The following MAD1L1 variants were observed in gnomAD, a reference collection of about 807,000 sequenced individuals.
MAD1L1 encodes the protein mitotic arrest deficient 1 like 1, also known as mitotic spindle assembly checkpoint protein MAD1.
Under a neutral mutation model 96.9 loss-of-function variants are expected in MAD1L1, and 95 were observed. That is an observed-to-expected ratio of 0.98 (90% CI 0.83 to 1.16). The LOEUF (loss-of-function observed/expected upper bound fraction) is 1.16. Ranked by LOEUF, MAD1L1 falls within the 50% of genes most tolerant of loss-of-function variation. The pLI is 0.00. For missense variants in MAD1L1, 1,007 were observed against 954.4 expected, an observed-to-expected ratio of 1.06 and a Z score of -0.73; for synonymous variants, 473 against 396.6, an observed-to-expected ratio of 1.19 and a Z score of -2.29.
intron 11 of MAD1L1, among the ~76,000 whole-genome samples, chr7:2,125,836 C>T (rs756249853): frequency 2.0e-5 from 3 of 152,262 alleles, no homozygotes; most frequent in Admixed American, 1.3e-4. Flanking sequence ...ACATTTGTCC[C>T]GCTTTAAAAT....
chr7:2,220,173 A>AG (rs1432796287), intron 5 of MAD1L1, among the ~76,000 whole-genome samples: 1 of 152,242 alleles, frequency 6.6e-6, no homozygotes, highest in Non-Finnish European at 1.5e-5. Context: ...TGCAAGGGGC[A>AG]GGGCGGTACC....
intron 18 of MAD1L1, among the ~76,000 whole-genome samples, chr7:1,852,396 C>T (rs1784024321): frequency 6.6e-6 from 1 of 152,292 alleles, no homozygotes; most frequent in South Asian, 2.1e-4. Context: ...CCAGGAGCTA[C>T]CACTGCCCCT....
intron 15 of MAD1L1, among the ~76,000 whole-genome samples, chr7:1,973,444 A>G (rs1780491656): frequency 6.6e-6 from 1 of 152,112 alleles, no homozygotes; most frequent in African/African-American, 2.4e-5. Context: ...CTGGGCCCCT[A>G]GAGTGGGGAT....
intron 13 of MAD1L1, among the ~76,000 whole-genome samples, chr7:2,004,970 A>C (rs1314420568): frequency 3.9e-5 from 6 of 152,316 alleles, no homozygotes; most frequent in Admixed American, 3.9e-4. Flanking sequence ...GGTGACTCGG[A>C]GCCAAGGAGC....
At chr7:2,038,018 TC>T (rs1211655435) in intron 12 of MAD1L1, among the ~76,000 whole-genome samples, 1 of 152,144 alleles carries the variant, frequency 6.6e-6, no homozygotes, top group Non-Finnish European at 1.5e-5. Context: ...AAGGGAAAGT[TC>T]TTGGAGGAAA....
At chr7:2,169,052 G>A (rs768472759) in intron 10 of MAD1L1, among the ~76,000 whole-genome samples, 16 of 152,210 alleles carry the variant, frequency 1.1e-4, no homozygotes, top group African/African-American at 2.7e-4. Flanking sequence ...TTGTCCTGGC[G>A]CTGTTCAGAA....
At chr7:2,039,149 T>TTCGCTCCGCTAAACTCCCTGGAGATC (rs1783569962) in intron 12 of MAD1L1, among the ~76,000 whole-genome samples, 1 of 152,238 alleles carries the variant, frequency 6.6e-6, no homozygotes, top group Admixed American at 6.5e-5. Context: ...GACTGGGCTC[T>TTCGCTCCGCTAAACTCCCTGGAGATC]TCGCTCCGCT....
At chr7:1,922,427 A>G (rs1788850813) in intron 17 of MAD1L1, among the ~76,000 whole-genome samples, 1 of 152,226 alleles carries the variant, frequency 6.6e-6, no homozygotes, top group South Asian at 2.1e-4. Flanking sequence ...GTGCACTGCT[A>G]TTGTGTAATA....
intron 10 of MAD1L1, among the ~76,000 whole-genome samples, chr7:2,199,157 G>T (rs1223987112): frequency 6.6e-6 from 1 of 152,222 alleles, no homozygotes; most frequent in Non-Finnish European, 1.5e-5. Context: ...CTGCCAAAAT[G>T]GCATTTGCAA....
chr7:2,028,285 C>T (rs1182184703), intron 12 of MAD1L1, among the ~76,000 whole-genome samples: 21 of 151,770 alleles, frequency 1.4e-4, no homozygotes, highest in Non-Finnish European at 2.5e-4. Context: ...ATTAGCCGGG[C>T]GTGGTGGTGG....
intron 15 of MAD1L1, among the ~76,000 whole-genome samples, chr7:1,958,395 T>C (rs778935714): frequency 2.0e-5 from 3 of 152,170 alleles, no homozygotes; most frequent in Non-Finnish European, 4.4e-5. Flanking sequence ...AACATATTCA[T>C]GTGGTTTAAA....
chr7:1,862,042 G>C (rs1784558513), intron 18 of MAD1L1, among the ~76,000 whole-genome samples: 1 of 152,186 alleles, frequency 6.6e-6, no homozygotes, highest in Non-Finnish European at 1.5e-5. Context: ...GTCTCTTGAA[G>C]GCCTCCTAGA....
chr7:1,874,531 C>G (rs1480831108), intron 18 of MAD1L1: 1 of 455,414 alleles, frequency 2.2e-6, no homozygotes, highest in African/African-American at 2.0e-5. Flanking sequence ...CAGCTTGTGG[C>G]TGAGTGCGGC....
At chr7:1,981,862 T>C (rs114957525) in intron 14 of MAD1L1, among the ~76,000 whole-genome samples, 1,679 of 152,292 alleles carry the variant, frequency 0.011, 29 homozygotes, top group African/African-American at 0.039. Context: ...AATCACCATA[T>C]GTTACATGTA....
chr7:1,921,020 G>A (rs1158003954), intron 17 of MAD1L1, among the ~76,000 whole-genome samples: 1 of 152,200 alleles, frequency 6.6e-6, no homozygotes. Flanking sequence ...GGGTGGGGAG[G>A]TGGGAAGAGG....
At chr7:2,196,696 C>T (rs1298827245) in intron 10 of MAD1L1, among the ~76,000 whole-genome samples, 2 of 152,242 alleles carry the variant, frequency 1.3e-5, no homozygotes, top group African/African-American at 4.8e-5. Context: ...AACAGGCATT[C>T]ACCTGAAGAG....
chr7:1,954,837 C>T (rs553089081), intron 16 of MAD1L1, among the ~76,000 whole-genome samples: 27 of 152,304 alleles, frequency 1.8e-4, no homozygotes, highest in African/African-American at 6.5e-4. Context: ...ACCCCCACCA[C>T]GGGATGGGAG....
intron 18 of MAD1L1, chr7:1,847,853 C>T (rs760759752): frequency 1.0e-5 from 4 of 384,672 alleles, no homozygotes; most frequent in South Asian, 1.9e-5. Context: ...GAGGCTCCCA[C>T]GTGCTGAGGG....
chr7:1,859,730 C>T (rs538480666), intron 18 of MAD1L1, among the ~76,000 whole-genome samples: 13 of 152,240 alleles, frequency 8.5e-5, no homozygotes, highest in African/African-American at 3.1e-4. Flanking sequence ...GTTCCCTAGA[C>T]GTGACATCCT....
Sources: allele counts gnomAD v4.1 joint callset (sites outside exome capture counted in the v4.1 genomes callset), GRCh38; gene constraint gnomAD v4.1.1; transcripts MANE v1.5; gene names NCBI Gene and HGNC (gene_info 2026-07-23, HGNC 2026-07-21).